PLXDC2: variants seen among roughly 807,000 people sequenced by gnomAD.
PLXDC2 encodes the protein plexin domain containing 2.
PLXDC2 carries 40 observed loss-of-function variants against 68.9 expected under a neutral mutation model. The ratio of observed to expected loss-of-function variants is 0.58; its 90% CI spans 0.45 to 0.76. PLXDC2 has a LOEUF of 0.76. PLXDC2 is among the 30% of genes least tolerant of loss of function. The probability of loss-of-function intolerance (pLI) is 0.00; values close to 1 mark genes in which losing one functional copy is unlikely to be tolerated. For synonymous variants in PLXDC2, 243 were observed against 234.2 expected, an observed-to-expected ratio of 1.04 and a Z score of -0.34; for missense variants, 644 against 661.9, an observed-to-expected ratio of 0.97 and a Z score of 0.30.
At chr10:20,052,092 A>G (rs1317508962) in intron 3 of PLXDC2, among the ~76,000 whole-genome samples, 2 of 152,096 alleles carry the variant, frequency 1.3e-5, no homozygotes, top group South Asian at 4.2e-4. Flanking sequence ...ACTTCCATTT[A>G]TAACAACCAG....
intron 1 of PLXDC2, among the ~76,000 whole-genome samples, chr10:19,914,050 G>T (rs916445383): frequency 8.0e-5 from 12 of 150,444 alleles, no homozygotes; most frequent in Admixed American, 4.0e-4. Context: ...GAAGCAGGCA[G>T]AGGGAGAGCA....
intron 1 of PLXDC2, among the ~76,000 whole-genome samples, chr10:19,831,751 A>G (rs916605113): frequency 2.0e-5 from 3 of 152,222 alleles, no homozygotes; most frequent in African/African-American, 7.2e-5. Flanking sequence ...TGCAAAGGAT[A>G]TGATCTCATT....
intron 1 of PLXDC2, among the ~76,000 whole-genome samples, chr10:19,883,767 C>G (rs1837783135): frequency 6.6e-6 from 1 of 150,894 alleles, no homozygotes; most frequent in African/African-American, 2.4e-5. Context: ...GTATTAAATT[C>G]TATGTGCCTT....
Position 20,279,997 on chromosome 10 carries a change from C to T in PLXDC2, c.*178C>T. 4 of 579,516 alleles carry T rather than the reference C, an allele frequency of 6.9e-6. No individual in the cohort carries two copies. The highest frequency in any genetic ancestry group is 2.3e-5 in the South Asian group (1 of 44,108). The allele number at this position is 579,516 out of a possible 1,614,324, so 35.9% of individuals were successfully genotyped here. ...CAGGAAACAAAGGGTAAACAAAAAA[C>T]TAAAACTTATACAAGATACCATTTA... is the stretch of plus-strand genomic sequence containing the variant. On this transcript the variant is annotated 3_prime_UTR_variant, in exon 14 of 14. Transcript: ENST00000377252.
intron 1 of PLXDC2, among the ~76,000 whole-genome samples, chr10:19,891,383 T>G (rs74122104): frequency 0.024 from 3,556 of 147,510 alleles, 133 homozygotes; most frequent in African/African-American, 0.082. Flanking sequence ...GCCTGCACTT[T>G]CCTTTGCCTC....
At chr10:20,105,715 G>A (rs560375402) in intron 4 of PLXDC2, among the ~76,000 whole-genome samples, 10 of 152,198 alleles carry the variant, frequency 6.6e-5, no homozygotes, top group African/African-American at 2.4e-4. Context: ...AGCTGAAATG[G>A]GTATCACCTT....
At chr10:19,969,918 C>A (rs1834322714) in intron 1 of PLXDC2, among the ~76,000 whole-genome samples, 1 of 152,194 alleles carries the variant, frequency 6.6e-6, no homozygotes, top group Non-Finnish European at 1.5e-5. Flanking sequence ...TCCAGAGGTT[C>A]ACTCACCTCC....
intron 1 of PLXDC2, among the ~76,000 whole-genome samples, chr10:19,920,732 AT>A (rs888430179): frequency 2.6e-5 from 4 of 151,606 alleles, no homozygotes; most frequent in African/African-American, 9.7e-5. Context: ...TAATTTTTGT[AT>A]TTTTTGTAGA....
intron 4 of PLXDC2, among the ~76,000 whole-genome samples, chr10:20,122,731 G>C (rs963273997): frequency 3.9e-5 from 6 of 152,180 alleles, no homozygotes; most frequent in Non-Finnish European, 7.4e-5. Context: ...CACAGTGGAG[G>C]CAAGGAATTG....
In PLXDC2 at chr10:19,850,731, G is replaced by A. The variant is rs949017924; in HGVS notation, c.112+33540G>A. 3.6e-4 allele frequency among the ~76,000 whole-genome samples: 55 copies of A among 152,060 alleles called. 1 individual carries two copies. The highest frequency in any genetic ancestry group is 6.6e-5 in the Admixed American group (1 of 15,258). The stretch of plus-strand genomic sequence containing the variant: ...GTACACTGCACTTTAGGAAAGACAT[G>A]AATTTTAATGCATTTCCAAGTAGCA... On this transcript the variant is annotated intron_variant, in intron 1 of 13. Transcript: ENST00000377252.
intron 6 of PLXDC2, among the ~76,000 whole-genome samples, chr10:20,153,191 T>G (rs536068016): frequency 6.6e-6 from 1 of 152,240 alleles, no homozygotes; most frequent in African/African-American, 2.4e-5. Flanking sequence ...ATTGATATAA[T>G]ATGAGGTGCT....
intron 12 of PLXDC2, among the ~76,000 whole-genome samples, chr10:20,233,285 T>C (rs1469370305): frequency 5.9e-5 from 9 of 151,592 alleles, no homozygotes; most frequent in Non-Finnish European, 7.4e-5. Flanking sequence ...CAGCACTTAG[T>C]GAAGCTGAGG....
chr10:20,021,678 A>ATTATTTAT (rs71388891), intron 2 of PLXDC2, among the ~76,000 whole-genome samples: 3,024 of 148,492 alleles, frequency 0.02, 46 homozygotes, highest in Non-Finnish European at 0.032. Flanking sequence ...ATTTTTTTTT[A>ATTATTTAT]TTATTTATTT....
intron 9 of PLXDC2, among the ~76,000 whole-genome samples, chr10:20,181,024 T>C (rs1834596244): frequency 6.6e-6 from 1 of 151,982 alleles, no homozygotes; most frequent in Non-Finnish European, 1.5e-5. Context: ...AAGGAGAGCT[T>C]TCATTTTGGT....
intron 13 of PLXDC2, among the ~76,000 whole-genome samples, chr10:20,262,195 C>T (rs982145110): frequency 1.3e-5 from 2 of 152,162 alleles, no homozygotes; most frequent in Non-Finnish European, 2.9e-5. Flanking sequence ...TATTTGCACC[C>T]ACAGGTCATG....
chr10:19,875,369 C>T (rs1837613479), intron 1 of PLXDC2, among the ~76,000 whole-genome samples: 1 of 152,070 alleles, frequency 6.6e-6, no homozygotes, highest in African/African-American at 2.4e-5. Context: ...TAATAGAATG[C>T]TATGGTTTTT....
chr10:20,227,229 T>G (rs573374508), intron 12 of PLXDC2, among the ~76,000 whole-genome samples: 12 of 152,192 alleles, frequency 7.9e-5, no homozygotes, highest in African/African-American at 2.9e-4. Flanking sequence ...CTGATGCCTG[T>G]CCTAAAGAAG....
chr10:20,211,609 T>C, intron 9 of PLXDC2, 60 bp from the exon 10 acceptor site: 2 of 1,488,552 alleles, frequency 1.3e-6, no homozygotes, highest in Admixed American at 3.8e-5. Context: ...TTTTAATTTC[T>C]GTCCACCACC....
intron 13 of PLXDC2, among the ~76,000 whole-genome samples, chr10:20,275,967 T>C (rs1219990114): frequency 6.6e-6 from 1 of 151,386 alleles, no homozygotes; most frequent in East Asian, 1.9e-4. Context: ...GTAGGTTTTT[T>C]TGAAAAACAA....
Sources: gnomAD v4.1 joint callset for allele counts (sites outside exome capture counted in the v4.1 genomes callset) on GRCh38, gnomAD v4.1.1 for gene constraint, MANE v1.5 for transcripts, NCBI Gene and HGNC (gene_info 2026-07-23, HGNC 2026-07-21) for gene names.